TENM4: variants seen among roughly 807,000 people sequenced by gnomAD.
TENM4 encodes the protein teneurin-4.
TENM4 carries 82 observed loss-of-function variants against 243.3 expected under a neutral mutation model. That is an observed-to-expected ratio of 0.34 (90% confidence interval 0.28 to 0.40). The LOEUF is 0.40. Ranked by LOEUF, TENM4 falls within the 10% of genes least tolerant of loss-of-function variation. TENM4 has a pLI of 1.00. For synonymous variants in TENM4, 1,412 were observed against 1,456.3 expected, an observed-to-expected ratio of 0.97 and a Z score of 0.69; for missense variants, 3,138 against 3,673.3, an observed-to-expected ratio of 0.85 and a Z score of 3.77.
At position 79,070,152 on chromosome 11, in the gene TENM4, C is replaced by A. The variant is rs1565191418; in HGVS notation, c.-65-143G>T. The A allele has an allele frequency of 4.7e-6, 5 of 1,069,416 alleles. No individual in the cohort carries two copies. The South Asian group carries it at 7.1e-5, about 15-fold the overall frequency. 66.2% of individuals were successfully genotyped at this position (1,069,416 alleles called of 1,614,324 possible). On this transcript the variant is annotated intron_variant, in intron 4 of 33. Coordinates refer to ENST00000278550, the MANE Select transcript of TENM4 (RefSeq NM_001098816.3). ...AGGGTACCGCTCCACCACTACGCAG[C>A]CCATAAGTGGCAAAGGAAAGTCGCA...
At chr11:79,047,945 T>C (rs575906587) in intron 6 of TENM4, among the ~76,000 whole-genome samples, 2 of 152,300 alleles carry the variant, frequency 1.3e-5, no homozygotes, top group South Asian at 4.1e-4. Flanking sequence ...AGCACTTAAT[T>C]AATATAATAA....
intron 2 of TENM4, among the ~76,000 whole-genome samples, chr11:79,263,984 G>A (rs1371114900): frequency 6.6e-6 from 1 of 152,182 alleles, no homozygotes; most frequent in Non-Finnish European, 1.5e-5. Flanking sequence ...TGTGTATTAA[G>A]TGGACCTATG....
At chr11:79,218,282 G>A (rs1291100740) in intron 2 of TENM4, among the ~76,000 whole-genome samples, 2 of 118,776 alleles carry the variant, frequency 1.7e-5, no homozygotes, top group African/African-American at 6.4e-5. Context: ...AAGACAGCAG[G>A]AAATTGGCTG....
intron 6 of TENM4, among the ~76,000 whole-genome samples, chr11:79,019,873 T>C (rs1858882079): frequency 6.6e-6 from 1 of 152,114 alleles, no homozygotes; most frequent in Non-Finnish European, 1.5e-5. Flanking sequence ...AATTGCATCT[T>C]GAAAGGTAAG....
intron 12 of TENM4, among the ~76,000 whole-genome samples, chr11:78,820,963 G>A (rs1295138213): frequency 2.0e-5 from 3 of 152,196 alleles, no homozygotes; most frequent in South Asian, 4.1e-4. Flanking sequence ...GTGATGTGTC[G>A]GTCCCTATGG....
At chr11:79,152,401 G>A (rs1862528950) in intron 3 of TENM4, among the ~76,000 whole-genome samples, 1 of 152,152 alleles carries the variant, frequency 6.6e-6, no homozygotes, top group Admixed American at 6.5e-5. Context: ...GCCAAGAAAG[G>A]TTGTGCAGAT....
chr11:78,686,995 G>A (rs1858693064), intron 29 of TENM4, among the ~76,000 whole-genome samples: 1 of 152,090 alleles, frequency 6.6e-6, no homozygotes, highest in Non-Finnish European at 1.5e-5. Context: ...ATTGCTTATT[G>A]AGCAATAGTA....
At chr11:78,674,826 A>G (rs1486118160) in intron 30 of TENM4, among the ~76,000 whole-genome samples, 1 of 151,048 alleles carries the variant, frequency 6.6e-6, no homozygotes, top group African/African-American at 2.4e-5. Context: ...GTGATATTGG[A>G]TAAGTCACTT....
At chr11:79,292,213 C>T (rs1302084946) in intron 2 of TENM4, among the ~76,000 whole-genome samples, 1 of 152,164 alleles carries the variant, frequency 6.6e-6, no homozygotes. Flanking sequence ...GGGGAAGGCA[C>T]TAGAAGCAAA....
At chr11:79,203,959 G>C (rs1863797124) in intron 3 of TENM4, among the ~76,000 whole-genome samples, 1 of 152,202 alleles carries the variant, frequency 6.6e-6, no homozygotes, top group African/African-American at 2.4e-5. Flanking sequence ...CTAAGTGAAA[G>C]AAGCCAGCCA....
In TENM4 at chr11:79,184,683, CAG is replaced by C. The variant is rs1171313355; in HGVS notation, c.-163+31123_-163+31124del. Among the ~76,000 whole-genome samples the C allele has an allele frequency of 3.3e-5, 5 of 152,092 alleles. No individual in the cohort carries two copies. In the South Asian group the frequency reaches 6.2e-4, roughly 19 times the overall value. On this transcript the variant is annotated intron_variant, in intron 3 of 33. Transcript: ENST00000278550. ...CCTAGAGCCGTCAAATTCCCAGAGA[CAG>C]AGAGTAGAATGGGAGTTGCCAGGGC...
At chr11:78,831,472 G>T (rs1205113667) in intron 12 of TENM4, among the ~76,000 whole-genome samples, 1 of 152,232 alleles carries the variant, frequency 6.6e-6, no homozygotes, top group Non-Finnish European at 1.5e-5. Context: ...GGTAATAAAT[G>T]CGTAAAGCCC....
chr11:78,975,596 ACC>A (rs1554985165), intron 6 of TENM4, among the ~76,000 whole-genome samples: 4 of 124,336 alleles, frequency 3.2e-5, no homozygotes, highest in African/African-American at 1.0e-4. Flanking sequence ...GGATACACAC[ACC>A]CACACACACA....
chr11:79,016,174 C>G (rs1184233810), intron 6 of TENM4, among the ~76,000 whole-genome samples: 1 of 152,080 alleles, frequency 6.6e-6, no homozygotes, highest in Non-Finnish European at 1.5e-5. Flanking sequence ...CAATGATGCT[C>G]TCAAAGATCT....
chr11:79,057,628 AC>A (rs1356812769), intron 6 of TENM4, among the ~76,000 whole-genome samples: 1 of 152,002 alleles, frequency 6.6e-6, no homozygotes, highest in Non-Finnish European at 1.5e-5. Flanking sequence ...CAATTTTCCC[AC>A]TAGAATGTAT....
In TENM4 at chr11:79,272,889, T is replaced by C. The variant is rs535048945; in HGVS notation, c.-265+24599A>G. Among the ~76,000 whole-genome samples, 6 of 152,288 alleles carry C rather than the reference T, an allele frequency of 3.9e-5. No individual in the cohort carries two copies. The South Asian group carries it at 1.2e-3, about 32-fold the overall frequency. ...ATCGTGTTTACCACTGAGCCTCCAA[T>C]GCCTAGGATGTACCTTGTACATAGC... On this transcript the variant is annotated intron_variant, in intron 2 of 33. Transcript: ENST00000278550.
intron 4 of TENM4, among the ~76,000 whole-genome samples, chr11:79,107,157 T>A (rs906667846): frequency 6.6e-6 from 1 of 152,146 alleles, no homozygotes; most frequent in Non-Finnish European, 1.5e-5. Context: ...TGGGCAGAGC[T>A]GGGATCTGAA....
intron 14 of TENM4, among the ~76,000 whole-genome samples, chr11:78,808,520 C>T (rs1160887124): frequency 2.0e-5 from 3 of 152,210 alleles, no homozygotes; most frequent in Non-Finnish European, 4.4e-5. Context: ...AGTTAAATAA[C>T]TTGCCCAAGA....
chr11:79,364,515 T>G (rs982514138), intron 1 of TENM4, among the ~76,000 whole-genome samples: 1 of 152,246 alleles, frequency 6.6e-6, no homozygotes, highest in East Asian at 1.9e-4. Flanking sequence ...GGGAAAGCTA[T>G]GGTAAAAATC....
Sources: gnomAD v4.1 joint callset for allele counts (sites outside exome capture counted in the v4.1 genomes callset) on GRCh38, gnomAD v4.1.1 for gene constraint, MANE v1.5 for transcripts, NCBI Gene and HGNC (gene_info 2026-07-23, HGNC 2026-07-21) for gene names.